Variants in PTGES3 observed in about 807,000 individuals in gnomAD.
PTGES3 encodes prostaglandin E synthase 3.
PTGES3 carries 5 observed loss-of-function variants against 29.9 expected under a neutral mutation model. The ratio of observed to expected loss-of-function variants is 0.17; its 90% CI spans 0.09 to 0.35. PTGES3 has a LOEUF of 0.35. Ranked by LOEUF, PTGES3 falls within the 10% of genes least tolerant of loss-of-function variation. The probability of loss-of-function intolerance (pLI) is 1.00; values close to 1 mark genes in which losing one functional copy is unlikely to be tolerated. For missense variants in PTGES3, 128 were observed against 190.0 expected (o/e 0.67, Z 1.92); for synonymous variants, 49 against 57.8 (o/e 0.85, Z 0.69).
At chr12:56,666,073 T>G (rs1951773820) in intron 6 of PTGES3, 131 bp downstream of exon 6, 1 of 1,402,772 alleles carries the variant, frequency 7.1e-7, no homozygotes, top group Non-Finnish European at 9.3e-7. Flanking sequence ...TTTTAAAAAT[T>G]GCTTTTCCCT....
intron 1 of PTGES3, among the ~76,000 whole-genome samples, chr12:56,676,552 AG>A (rs1952258674): frequency 6.6e-6 from 1 of 152,276 alleles, no homozygotes; most frequent in South Asian, 2.1e-4. Context: ...AGAATGCTTC[AG>A]GGTCTAAAAC....
rs945100662 is a variant in PTGES3, at chr12:56,688,194, G to C, written c.-195C>G. On this transcript the variant is annotated 5_prime_UTR_variant, in exon 1 of 8. Transcript: ENST00000262033. Reference sequence around the variant, plus strand: ...CAGAATGCACCGCGCGGAAAGAGCGGCTCCTCCGGTCGGGGAGAAGAGGAA... The same window carrying C: ...CAGAATGCACCGCGCGGAAAGAGCGCCTCCTCCGGTCGGGGAGAAGAGGAA... The C allele has an allele frequency of 1.0e-6, 1 of 1,001,184 alleles. No individual in the cohort carries two copies. Among genetic ancestry groups the C allele is most frequent in the East Asian group, 3.3e-5 (1 of 30,732 alleles). The allele number at this position is 1,001,184 out of a possible 1,614,324, so 62.0% of individuals were successfully genotyped here. A position where few individuals can be genotyped will look rare whatever the true frequency, so the allele number is the denominator to read the frequency against.
chr12:56,686,202 G>A (rs1209176307), intron 1 of PTGES3, among the ~76,000 whole-genome samples: 1 of 151,876 alleles, frequency 6.6e-6, no homozygotes, highest in African/African-American at 2.4e-5. Flanking sequence ...CATACTTTTC[G>A]CGAAAAGATA....
rs1269659716 is a variant in PTGES3 at position 56,665,321 on chromosome 12, A to C, written c.439-521T>G. On this transcript the variant is annotated intron_variant, in intron 6 of 7. Transcript: ENST00000262033. ...TTTTTTTTTGGGTGGGGGGAGATGG[A>C]GTCTTGCTCTGTCACCCAGGCTACA... is the stretch of plus-strand genomic sequence containing the variant. The C allele has an allele frequency of 1.1e-5, 10 of 932,754 alleles. No homozygotes were observed. The South Asian group carries it at 4.5e-4, about 42-fold the overall frequency. The allele number at this position is 932,754 out of a possible 1,614,324, so 57.8% of individuals were successfully genotyped here.
rs1018293721 is a variant in PTGES3 at position 56,687,742 on chromosome 12, G to C, written c.2+256C>G. On this transcript the variant is annotated intron_variant, in intron 1 of 7. Coordinates refer to ENST00000262033, the MANE Select transcript of PTGES3 (RefSeq NM_006601.7). ...CCGAAAGAGGCGAGTAACCCAGACA[G>C]CCAAAGGGGTAAAAGTAGGATTTCC... 17 of 1,373,540 alleles carry C rather than the reference G, an allele frequency of 1.2e-5. No homozygotes were observed. The East Asian group carries it at 3.1e-4, about 25-fold the overall frequency. The allele number at this position is 1,373,540 out of a possible 1,614,324, so 85.1% of individuals were successfully genotyped here.
intron 1 of PTGES3, 122 bp downstream of exon 1, chr12:56,687,876 C>T (rs1391955877): frequency 6.4e-7 from 1 of 1,565,808 alleles, no homozygotes. Flanking sequence ...GGACCTCCCG[C>T]CCCCAGGCAG....
intron 1 of PTGES3, chr12:56,686,838 T>C (rs1952886700): frequency 2.5e-6 from 1 of 398,142 alleles, no homozygotes; most frequent in Non-Finnish European, 4.4e-6. Context: ...AGCCTCAGTA[T>C]CATGACTTGA....
intron 1 of PTGES3, among the ~76,000 whole-genome samples, chr12:56,681,537 CAAAAAAA>C (rs34581651): frequency 4.3e-4 from 11 of 25,684 alleles, no homozygotes; most frequent in East Asian, 1.4e-3. Context: ...GACTCCATCT[CAAAAAAA>C]AAAAAAAAAA....
At position 56,670,476 on chromosome 12, in the gene PTGES3, A is replaced by C; in HGVS notation, c.286-112T>G. On this transcript the variant is annotated intron_variant, in intron 4 of 7. Transcript: ENST00000262033. Reference sequence around the variant, plus strand: ...GAGACCAGGTCTTGCTATGTTGCCCAGGCTGGAGTGCAGCAAGCATTCACA... The same window carrying C: ...GAGACCAGGTCTTGCTATGTTGCCCCGGCTGGAGTGCAGCAAGCATTCACA... 8.1e-6 allele frequency: 6 copies of C among 740,132 alleles called. No individual in the cohort carries two copies. The South Asian group carries it at 9.4e-5, about 12-fold the overall frequency. 45.8% of individuals were successfully genotyped at this position (740,132 alleles called of 1,614,324 possible).
In PTGES3 at chr12:56,674,283, G is replaced by C. The variant is rs75924261; in HGVS notation, c.3-1218C>G. Among the ~76,000 whole-genome samples the C allele has an allele frequency of 3.5e-3, 530 of 151,868 alleles. 4 individuals carry two copies. The highest frequency in any genetic ancestry group is 0.012 in the African/African-American group (510 of 41,196). On this transcript the variant is annotated intron_variant, in intron 1 of 7. Transcript: ENST00000262033. ...ATAGCTATCTGCAAACCAAGGAAAG[G>C]CCTCAGAAGAAACTAATCCTGCTGA...
chr12:56,687,850 C>A lies in PTGES3; in HGVS notation c.2+148G>T, dbSNP rs771762671. 16 of 1,502,172 alleles carry A rather than the reference C, an allele frequency of 1.1e-5. 2 individuals are homozygous for A. The South Asian group carries it at 1.8e-4, about 17-fold the overall frequency. The allele number at this position is 1,502,172 out of a possible 1,614,324, so 93.1% of individuals were successfully genotyped here. A position where few individuals can be genotyped will look rare whatever the true frequency, so the allele number is the denominator to read the frequency against. ...AATGTCCTCCACCCGCCAACGGTAA[C>A]CGGAACAAGGATCCTGGACCTCCCG... On this transcript the variant is annotated intron_variant, in intron 1 of 7. Coordinates refer to ENST00000262033, the MANE Select transcript of PTGES3 (RefSeq NM_006601.7).
intron 1 of PTGES3, among the ~76,000 whole-genome samples, chr12:56,682,721 G>GAAAAAGAA (rs1952605282): frequency 8.7e-6 from 1 of 114,292 alleles, no homozygotes; most frequent in Admixed American, 9.9e-5. Flanking sequence ...CCATTTAAAA[G>GAAAAAGAA]AAAAAAAAAA....
chr12:56,678,143 G>C (rs1164246271), intron 1 of PTGES3, among the ~76,000 whole-genome samples: 1 of 152,064 alleles, frequency 6.6e-6, no homozygotes. Context: ...GAACTTTGAT[G>C]TCTCATTCCT....
At chr12:56,669,040 T>A (rs1283919035) in intron 5 of PTGES3, among the ~76,000 whole-genome samples, 2 of 122,524 alleles carry the variant, frequency 1.6e-5, no homozygotes, top group African/African-American at 3.2e-5. Context: ...GACAGAGTCT[T>A]GCTCTGTCGC....
chr12:56,685,058 G>A (rs1952758789), intron 1 of PTGES3, among the ~76,000 whole-genome samples: 1 of 151,928 alleles, frequency 6.6e-6, no homozygotes, highest in South Asian at 2.1e-4. Context: ...GGAGGTAGAG[G>A]TTGCAGCTGC....
intron 5 of PTGES3, among the ~76,000 whole-genome samples, chr12:56,668,035 G>C (rs1011452826): frequency 1.3e-5 from 2 of 152,208 alleles, no homozygotes; most frequent in Admixed American, 6.5e-5. Flanking sequence ...TTGAACCCAG[G>C]AGGTGGAGGC....
chr12:56,676,685 C>T, intron 1 of PTGES3, among the ~76,000 whole-genome samples: 1 of 151,852 alleles, frequency 6.6e-6, no homozygotes, highest in Non-Finnish European at 1.5e-5. Context: ...GCCTATAATC[C>T]CAGCACTTTG....
rs572983405 is a variant in PTGES3 at position 56,665,507 on chromosome 12, C to A, written c.438+697G>T. 6 of 976,738 alleles carry A rather than the reference C, an allele frequency of 6.1e-6. 2 individuals are homozygous for A. In the African/African-American group the frequency reaches 8.8e-5, roughly 14 times the overall value. 60.5% of individuals were successfully genotyped at this position (976,738 alleles called of 1,614,324 possible). A position where few individuals can be genotyped will look rare whatever the true frequency, so the allele number is the denominator to read the frequency against. On this transcript the variant is annotated intron_variant, in intron 6 of 7. Coordinates refer to ENST00000262033, the MANE Select transcript of PTGES3 (RefSeq NM_006601.7). ...ATGGGGTTTCGCCATCTTGGCCAGGCTGGCCTGAAACTCTTGACCGCATGA... is the reference window on the plus strand; with the variant it reads ...ATGGGGTTTCGCCATCTTGGCCAGGATGGCCTGAAACTCTTGACCGCATGA...
At chr12:56,678,975 C>A (rs1952397468) in intron 1 of PTGES3, among the ~76,000 whole-genome samples, 1 of 151,922 alleles carries the variant, frequency 6.6e-6, no homozygotes. Flanking sequence ...AAATCGCTGG[C>A]CATGGTGACA....
Sources: gnomAD v4.1 joint callset for allele counts (sites outside exome capture counted in the v4.1 genomes callset) on GRCh38, gnomAD v4.1.1 for gene constraint, MANE v1.5 for transcripts, NCBI Gene and HGNC (gene_info 2026-07-23, HGNC 2026-07-21) for gene names.